TMEM182: variants seen among roughly 807,000 people sequenced by gnomAD.
TMEM182 encodes the protein transmembrane protein 182.
A neutral mutation model predicts 26.8 loss-of-function variants in TMEM182; 20 were observed. That is an observed-to-expected ratio of 0.75 (90% CI 0.53 to 1.09). The LOEUF (loss-of-function observed/expected upper bound fraction) is 1.09, where lower values mean the gene tolerates loss of function less well. Ranked by LOEUF, TMEM182 falls within the 50% of genes least tolerant of loss-of-function variation. TMEM182 has a pLI of 0.00. For synonymous variants in TMEM182, 109 were observed against 102.2 expected, an observed-to-expected ratio of 1.07 and a Z score of -0.40; for missense variants, 277 against 275.5, an observed-to-expected ratio of 1.01 and a Z score of -0.04.
chr2:102,823,456 C>T (rs1038673111), intron 3 of TMEM182, among the ~76,000 whole-genome samples: 6 of 152,098 alleles, frequency 3.9e-5, no homozygotes, highest in African/African-American at 1.4e-4. Flanking sequence ...CCTCAGCTCC[C>T]AAGTAGCTGG....
intron 3 of TMEM182, among the ~76,000 whole-genome samples, chr2:102,842,775 C>T (rs530762250): frequency 3.3e-5 from 5 of 152,250 alleles, no homozygotes; most frequent in South Asian, 4.2e-4. Context: ...ACTCCATTCT[C>T]GGTGCCATGA....
intron 3 of TMEM182, among the ~76,000 whole-genome samples, chr2:102,783,631 G>T (rs920236054): frequency 6.6e-6 from 1 of 152,120 alleles, no homozygotes; most frequent in Non-Finnish European, 1.5e-5. Flanking sequence ...AAACACCAAC[G>T]ATCTGTTGGG....
intron 3 of TMEM182, among the ~76,000 whole-genome samples, chr2:102,765,942 A>G (rs2104664130): frequency 6.6e-6 from 1 of 152,316 alleles, no homozygotes. Flanking sequence ...TAGTAAGGGA[A>G]GAGATGGATG....
At chr2:102,800,016 A>G (rs187195055) in intron 4 of TMEM182, among the ~76,000 whole-genome samples, 2 of 151,764 alleles carry the variant, frequency 1.3e-5, no homozygotes, top group Admixed American at 1.3e-4. Flanking sequence ...CAGTTTAAAG[A>G]GCTAAAAAAA....
At chr2:102,747,311 T>C (rs754402403) in intron 1 of TMEM182, among the ~76,000 whole-genome samples, 5 of 152,220 alleles carry the variant, frequency 3.3e-5, no homozygotes, top group Admixed American at 1.3e-4. Context: ...TCCCTGGACA[T>C]TGTCTTTGCC....
chr2:102,784,161 A>G (rs1681288006), intron 3 of TMEM182, among the ~76,000 whole-genome samples: 1 of 151,852 alleles, frequency 6.6e-6, no homozygotes, highest in Non-Finnish European at 1.5e-5. Context: ...AACTTTTTGT[A>G]CCTCTCCCTT....
At chr2:102,798,243 A>C (rs1681966366) in intron 4 of TMEM182, among the ~76,000 whole-genome samples, 1 of 152,198 alleles carries the variant, frequency 6.6e-6, no homozygotes, top group Admixed American at 6.5e-5. Flanking sequence ...CCATCATGAT[A>C]GTCTCTGCTC....
chr2:102,787,282 C>G (rs1462663997), intron 3 of TMEM182, among the ~76,000 whole-genome samples: 1 of 152,196 alleles, frequency 6.6e-6, no homozygotes, highest in Non-Finnish European at 1.5e-5. Context: ...GGTGTGAAGT[C>G]CAAGATCAGG....
At chr2:102,832,089 T>G (rs1683161033) in intron 3 of TMEM182, among the ~76,000 whole-genome samples, 1 of 152,212 alleles carries the variant, frequency 6.6e-6, no homozygotes, top group African/African-American at 2.4e-5. Flanking sequence ...GAGAGACGGA[T>G]AGCCATTCTT....
At chr2:102,829,797 C>A (rs1683117281) in intron 3 of TMEM182, among the ~76,000 whole-genome samples, 1 of 152,114 alleles carries the variant, frequency 6.6e-6, no homozygotes, top group South Asian at 2.1e-4. Context: ...CTGTTCTTGG[C>A]TTTTTGTGAG....
At chr2:102,797,812 C>T in intron 3 of TMEM182, 51 bp from the exon 4 acceptor site, 1 of 1,580,478 alleles carries the variant, frequency 6.3e-7, no homozygotes, top group Non-Finnish European at 8.6e-7. Context: ...GCTGTGTACA[C>T]AATCTAAGTG....
intron 2 of TMEM182, among the ~76,000 whole-genome samples, 162 bp from the exon 3 acceptor site, chr2:102,764,167 T>C (rs1284397938): frequency 6.6e-6 from 1 of 152,218 alleles, no homozygotes; most frequent in African/African-American, 2.4e-5. Flanking sequence ...ATGAGTTTCC[T>C]AGAAGGCCTT....
chr2:102,821,987 CAAA>C (rs57270388), downstream of TMEM182, among the ~76,000 whole-genome samples: 3 of 103,168 alleles, frequency 2.9e-5, no homozygotes, highest in African/African-American at 3.3e-5. Context: ...GACTCTGTCT[CAAA>C]AAAAAAAAAA....
At chr2:102,777,903 G>A (rs1424374587) in intron 3 of TMEM182, among the ~76,000 whole-genome samples, 1 of 151,660 alleles carries the variant, frequency 6.6e-6, no homozygotes, top group Non-Finnish European at 1.5e-5. Context: ...TTTTAAAATG[G>A]TTGAGATTTG....
chr2:102,813,645 C>A (rs1331784303), intron 4 of TMEM182, among the ~76,000 whole-genome samples: 1 of 152,148 alleles, frequency 6.6e-6, no homozygotes, highest in Non-Finnish European at 1.5e-5. Flanking sequence ...TGCTGCTCAG[C>A]GTAGTGGCAT....
intron 1 of TMEM182, among the ~76,000 whole-genome samples, chr2:102,753,637 C>T (rs1292160498): frequency 1.3e-5 from 2 of 152,178 alleles, no homozygotes; most frequent in African/African-American, 2.4e-5. Flanking sequence ...TCCCAAAGTG[C>T]TTGGATTACA....
intron 3 of TMEM182, among the ~76,000 whole-genome samples, chr2:102,792,996 C>T (rs746233946): frequency 3.3e-5 from 5 of 152,136 alleles, no homozygotes; most frequent in African/African-American, 7.2e-5. Flanking sequence ...CTCCACTGCC[C>T]GCTGCCTTGA....
chr2:102,745,703 T>C (rs10199931), intron 1 of TMEM182, among the ~76,000 whole-genome samples: 2,343 of 152,324 alleles, frequency 0.015, 69 homozygotes, highest in African/African-American at 0.054. Context: ...ATTTATCTGT[T>C]CTGTATATTT....
intron 3 of TMEM182, among the ~76,000 whole-genome samples, chr2:102,827,985 G>T (rs969108229): frequency 6.6e-6 from 1 of 152,102 alleles, no homozygotes; most frequent in Non-Finnish European, 1.5e-5. Context: ...CAGCTGCTTG[G>T]GAGGCTGAGG....
Sources: allele counts gnomAD v4.1 joint callset (sites outside exome capture counted in the v4.1 genomes callset), GRCh38; gene constraint gnomAD v4.1.1; transcripts MANE v1.5; gene names NCBI Gene and HGNC (gene_info 2026-07-23, HGNC 2026-07-21).